The following ENTREP2 variants were observed in gnomAD, a reference collection of about 807,000 sequenced individuals.
ENTREP2 encodes the protein protein ENTREP2.
At chr15:29,342,531 C>G in the ENTREP2 span, among the ~76,000 whole-genome samples, 7 of 152,094 alleles carry the variant, frequency 4.6e-5, no homozygotes, top group African/African-American at 1.4e-4. Flanking sequence ...GTGAATTAAC[C>G]TATAATTGTC....
At chr15:29,651,339 G>A in the ENTREP2 span, among the ~76,000 whole-genome samples, 1 of 152,166 alleles carries the variant, frequency 6.6e-6, no homozygotes, top group Non-Finnish European at 1.5e-5. Context: ...TAGGTATTCT[G>A]GAAAAGACAC....
At chr15:29,380,476 C>G in the ENTREP2 span, among the ~76,000 whole-genome samples, 1 of 152,174 alleles carries the variant, frequency 6.6e-6, no homozygotes, top group South Asian at 2.1e-4. Flanking sequence ...GCCACGCTGT[C>G]TTTTTCATTA....
At chr15:29,469,585 T>C in the ENTREP2 span, among the ~76,000 whole-genome samples, 77,206 of 151,746 alleles carry the variant, frequency 0.51, 20,749 homozygotes, top group African/African-American at 0.71. Flanking sequence ...GGAGGGGAAA[T>C]AGGGAGTTGG....
chr15:29,164,906 C>T, the ENTREP2 span, among the ~76,000 whole-genome samples: 5 of 152,028 alleles, frequency 3.3e-5, no homozygotes, highest in Non-Finnish European at 7.4e-5. Context: ...GGAAATTTCT[C>T]CAAGATAGAC....
chr15:29,614,843 G>A, the ENTREP2 span, among the ~76,000 whole-genome samples: 1 of 152,250 alleles, frequency 6.6e-6, no homozygotes, highest in South Asian at 2.1e-4. Flanking sequence ...GATTGCTTGA[G>A]CTTAGATGTT....
chr15:29,235,453 A>G, the ENTREP2 span, among the ~76,000 whole-genome samples: 4 of 152,234 alleles, frequency 2.6e-5, no homozygotes, highest in South Asian at 4.1e-4. Context: ...AGAGTCTCTA[A>G]ACATGTGAAA....
At chr15:29,179,731 C>A in the ENTREP2 span, among the ~76,000 whole-genome samples, 1 of 145,980 alleles carries the variant, frequency 6.9e-6, no homozygotes, top group Admixed American at 6.9e-5. Flanking sequence ...CAGGCGCCCG[C>A]CATCACGCCC....
At chr15:29,470,790 T>C in the ENTREP2 span, among the ~76,000 whole-genome samples, 2 of 152,340 alleles carry the variant, frequency 1.3e-5, no homozygotes, top group African/African-American at 2.4e-5. Flanking sequence ...CAGTGAGCAG[T>C]TCCTCCTTGA....
the ENTREP2 span, among the ~76,000 whole-genome samples, chr15:29,643,780 C>CAA: frequency 7.1e-5 from 5 of 70,116 alleles, no homozygotes; most frequent in South Asian, 1.0e-3. Context: ...GACTCTGTCT[C>CAA]AAAAAAAAAA....
the ENTREP2 span, chr15:29,137,097 G>T: frequency 6.8e-5 from 99 of 1,465,482 alleles, 1 homozygote; most frequent in Admixed American, 2.3e-4. Flanking sequence ...AGGCGGGAGT[G>T]GGGGGATGAA....
chr15:29,446,368 T>C, the ENTREP2 span, among the ~76,000 whole-genome samples: 1 of 152,192 alleles, frequency 6.6e-6, no homozygotes, highest in African/African-American at 2.4e-5. Flanking sequence ...GGAAGTCTGC[T>C]AGGTGGTTCT....
At chr15:29,135,469 A>G in the ENTREP2 span, among the ~76,000 whole-genome samples, 1 of 152,056 alleles carries the variant, frequency 6.6e-6, no homozygotes, top group South Asian at 2.1e-4. This position sits in a 1 kb window ranked among gnomAD's most constrained non-coding sequence, Gnocchi z 7.4. Flanking sequence ...ACTTTTCCAG[A>G]TGTCCCCATC....
chr15:29,499,515 AG>A, the ENTREP2 span, among the ~76,000 whole-genome samples: 2 of 151,444 alleles, frequency 1.3e-5, no homozygotes, highest in African/African-American at 4.8e-5. Flanking sequence ...CTGGGTACCT[AG>A]GACTACAGGT....
chr15:29,162,765 T>G, the ENTREP2 span, among the ~76,000 whole-genome samples: 2 of 151,668 alleles, frequency 1.3e-5, no homozygotes, highest in African/African-American at 4.8e-5. Flanking sequence ...TCTTGGGAGT[T>G]CTACAGCCCA....
chr15:29,518,969 T>C, the ENTREP2 span, among the ~76,000 whole-genome samples: 5 of 152,094 alleles, frequency 3.3e-5, no homozygotes, highest in South Asian at 6.2e-4. Flanking sequence ...AGACCCTTGC[T>C]CTATGGAAGA....
At chr15:29,371,950 A>AG in the ENTREP2 span, among the ~76,000 whole-genome samples, 4 of 152,042 alleles carry the variant, frequency 2.6e-5, no homozygotes, top group Non-Finnish European at 5.9e-5. Flanking sequence ...ATAGATAGAT[A>AG]AAGAGATACA....
At chr15:29,507,704 A>G in the ENTREP2 span, among the ~76,000 whole-genome samples, 1 of 152,256 alleles carries the variant, frequency 6.6e-6, no homozygotes, top group East Asian at 1.9e-4. Context: ...TTTGAAACCA[A>G]TGAGAACAAA....
chr15:29,225,697 C>G, the ENTREP2 span, among the ~76,000 whole-genome samples: 1 of 152,282 alleles, frequency 6.6e-6, no homozygotes, highest in East Asian at 1.9e-4. Flanking sequence ...GCGGTGAGAA[C>G]AACGCCCACG....
chr15:29,306,066 C>A, the ENTREP2 span, among the ~76,000 whole-genome samples: 1 of 152,158 alleles, frequency 6.6e-6, no homozygotes, highest in African/African-American at 2.4e-5. Flanking sequence ...TCACTGACTG[C>A]GGGATTTGGC....
Sources: gnomAD v4.1 joint callset for allele counts (sites outside exome capture counted in the v4.1 genomes callset) on GRCh38, gnomAD v4.1.1 for gene constraint, Gnocchi (gnomAD v3.1) non-coding constraint, MANE v1.5 for transcripts, NCBI Gene and HGNC (gene_info 2026-07-23, HGNC 2026-07-21) for gene names.